The following TRHDE variants were observed in gnomAD, a reference collection of about 807,000 sequenced individuals.
TRHDE encodes thyrotropin releasing hormone degrading enzyme.
A neutral mutation model predicts 125.7 loss-of-function variants in TRHDE; 72 were observed. The ratio of observed to expected loss-of-function variants is 0.57; its 90% CI spans 0.47 to 0.70. TRHDE has a LOEUF of 0.70. Among genes scored for constraint, TRHDE ranks in the 30% least tolerant of loss-of-function variants. The probability of loss-of-function intolerance (pLI) is 0.00; values close to 1 mark genes in which losing one functional copy is unlikely to be tolerated. For synonymous variants in TRHDE, 509 were observed against 509.1 expected (o/e 1.00, Z 0.00); for missense variants, 1,110 against 1,327.1 (o/e 0.84, Z 2.54).
At chr12:72,135,298 A>G (rs1566238498) in intron 2 of TRHDE, among the ~76,000 whole-genome samples, 2 of 152,160 alleles carry the variant, frequency 1.3e-5, no homozygotes, top group Admixed American at 6.5e-5. Flanking sequence ...TTTCTACACA[A>G]TCTTTTTGTT....
At chr12:72,430,056 G>A (rs936036590) in intron 3 of TRHDE, among the ~76,000 whole-genome samples, 3 of 150,928 alleles carry the variant, frequency 2.0e-5, no homozygotes, top group Non-Finnish European at 4.4e-5. Flanking sequence ...TTTGTTTTTG[G>A]TGTCATATCT....
chr12:72,383,370 A>ATTTT (rs552559387), intron 3 of TRHDE, among the ~76,000 whole-genome samples: 104 of 100,938 alleles, frequency 1.0e-3, no homozygotes, highest in African/African-American at 2.3e-3. Context: ...AACCCATTTA[A>ATTTT]TTTTTTTTTT....
At chr12:72,262,188 A>G (rs1190090692) in intron 2 of TRHDE, among the ~76,000 whole-genome samples, 4 of 152,178 alleles carry the variant, frequency 2.6e-5, no homozygotes, top group African/African-American at 4.8e-5. Flanking sequence ...AATATGTACA[A>G]GGCATTTCAG....
At chr12:72,287,859 A>AT (rs1396296668) in intron 2 of TRHDE, among the ~76,000 whole-genome samples, 2 of 151,696 alleles carry the variant, frequency 1.3e-5, no homozygotes, top group African/African-American at 4.8e-5. Context: ...TGAATTAACA[A>AT]TTTTTTCCTA....
intron 1 of TRHDE, among the ~76,000 whole-genome samples, chr12:72,088,916 G>C (rs975277348): frequency 6.6e-6 from 1 of 151,240 alleles, no homozygotes; most frequent in Non-Finnish European, 1.5e-5. Flanking sequence ...CTCTAATATA[G>C]ACCTTTCTTC....
intron 2 of TRHDE, among the ~76,000 whole-genome samples, chr12:72,108,005 C>G (rs553175708): frequency 6.6e-6 from 1 of 152,112 alleles, no homozygotes; most frequent in African/African-American, 2.4e-5. Context: ...TTTCACAGTT[C>G]AAGTACAAAT....
chr12:72,596,322 AT>A (rs982801337), intron 12 of TRHDE, among the ~76,000 whole-genome samples: 67 of 152,256 alleles, frequency 4.4e-4, no homozygotes, highest in African/African-American at 1.5e-3. Flanking sequence ...GAAAACAAAA[AT>A]TCTTCGTCAA....
Position 72,661,710 on chromosome 12 carries a change from C to T in TRHDE, c.3067-1342C>T, listed in dbSNP as rs1299806402. Among the ~76,000 whole-genome samples the T allele has an allele frequency of 4.6e-5, 7 of 152,082 alleles. No individual in the cohort carries two copies. In the East Asian group the frequency reaches 1.4e-3, roughly 29 times the overall value. On this transcript the variant is annotated intron_variant, in intron 18 of 18. Coordinates refer to ENST00000261180, the MANE Select transcript of TRHDE (RefSeq NM_013381.3). ...TATCCCCATGGCACAATGTCTGCAA[C>T]ATTAATATTTATTAACTCCAATCCC...
At chr12:72,347,657 T>C (rs569991523) in intron 2 of TRHDE, among the ~76,000 whole-genome samples, 1 of 152,160 alleles carries the variant, frequency 6.6e-6, no homozygotes, top group Admixed American at 6.6e-5. Flanking sequence ...GGGCTTCAGT[T>C]TCTTGCTGGC....
At position 72,098,966 on chromosome 12, in the gene TRHDE, A is replaced by C. The variant is rs181569837; in HGVS notation, n.175-6682A>C. Among the ~76,000 whole-genome samples, 157 of 152,268 alleles carry C rather than the reference A, an allele frequency of 1.0e-3. 4 individuals are homozygous for C. In the East Asian group the frequency reaches 0.017, roughly 16 times the overall value. On this transcript the variant is annotated intron_variant and non_coding_transcript_variant, in intron 1 of 4. Transcript: ENST00000548156. ...GATCACCTGAGGCCAGGAGTTCGAG[A>C]CCAACCTGGCCAACATGGTGAAACT... is the stretch of plus-strand genomic sequence containing the variant.
chr12:72,515,257 G>A (rs1319775753), intron 6 of TRHDE, among the ~76,000 whole-genome samples: 1 of 138,332 alleles, frequency 7.2e-6, no homozygotes, highest in Non-Finnish European at 1.5e-5. Flanking sequence ...CCCACCAACA[G>A]TGTAAAAGTG....
rs539296724 is a variant in TRHDE, at chr12:72,316,021, C to T, written c.1188+29067C>T. Among the ~76,000 whole-genome samples the T allele has an allele frequency of 3.3e-5, 5 of 152,150 alleles. No homozygotes were observed. The South Asian group carries it at 6.2e-4, about 19-fold the overall frequency. On this transcript the variant is annotated intron_variant, in intron 2 of 18. Transcript: ENST00000261180. ...TGCGGATTGAGGCCTGGCCTTGATT[C>T]GCAAATTTTCATAGATTCAGAGGAT...
chr12:72,360,807 G>A (rs1359762342), intron 2 of TRHDE, among the ~76,000 whole-genome samples: 1 of 151,690 alleles, frequency 6.6e-6, no homozygotes, highest in African/African-American at 2.4e-5. Flanking sequence ...TTGCAGTTAT[G>A]ATAATTTACA....
chr12:72,312,311 A>G (rs1006721795), intron 2 of TRHDE, among the ~76,000 whole-genome samples: 1 of 152,216 alleles, frequency 6.6e-6, no homozygotes, highest in African/African-American at 2.4e-5. Flanking sequence ...TTCACAGAGC[A>G]TCAACTTTAT....
chr12:72,219,974 A>T (rs1416043137), intron 2 of TRHDE, among the ~76,000 whole-genome samples: 1 of 152,212 alleles, frequency 6.6e-6, no homozygotes, highest in African/African-American at 2.4e-5. Context: ...CAAGCCTGGA[A>T]TGGGTTAAGA....
At chr12:72,571,862 TG>T (rs1432805596) in intron 10 of TRHDE, among the ~76,000 whole-genome samples, 2 of 152,084 alleles carry the variant, frequency 1.3e-5, no homozygotes, top group Non-Finnish European at 2.9e-5. Context: ...ATTTTACAAA[TG>T]AGGAAATTAA....
At chr12:72,173,183 G>A (rs778804655) in intron 2 of TRHDE, among the ~76,000 whole-genome samples, 5 of 152,154 alleles carry the variant, frequency 3.3e-5, no homozygotes, top group Admixed American at 6.5e-5. Context: ...TTAGAAATAT[G>A]TGTTTGGGGA....
intron 18 of TRHDE, among the ~76,000 whole-genome samples, chr12:72,660,755 A>G (rs1874886407): frequency 6.6e-6 from 1 of 152,196 alleles, no homozygotes; most frequent in Non-Finnish European, 1.5e-5. Flanking sequence ...ACACTGCTAC[A>G]GTTTGTGCCT....
At chr12:72,266,092 C>T (rs142511616) in intron 2 of TRHDE, among the ~76,000 whole-genome samples, 107 of 151,656 alleles carry the variant, frequency 7.1e-4, no homozygotes, top group African/African-American at 1.5e-3. Flanking sequence ...CTGTAGTAAG[C>T]GAAGTTTTTA....
Sources: gnomAD v4.1 joint callset for allele counts (sites outside exome capture counted in the v4.1 genomes callset) on GRCh38, gnomAD v4.1.1 for gene constraint, MANE v1.5 for transcripts, NCBI Gene and HGNC (gene_info 2026-07-23, HGNC 2026-07-21) for gene names.